SGCZ: variants seen among roughly 807,000 people sequenced by gnomAD.
SGCZ encodes the protein sarcoglycan zeta.
A neutral mutation model predicts 41.3 loss-of-function variants in SGCZ; 40 were observed. The ratio of observed to expected loss-of-function variants is 0.97; its 90% confidence interval spans 0.75 to 1.26. SGCZ has a LOEUF of 1.26. SGCZ is among the 50% of genes most tolerant of loss of function. The pLI is 0.00. For synonymous variants in SGCZ, 206 were observed against 137.5 expected, an observed-to-expected ratio of 1.50 and a Z score of -3.49; for missense variants, 552 against 369.8, an observed-to-expected ratio of 1.49 and a Z score of -4.04.
intron 1 of SGCZ, among the ~76,000 whole-genome samples, chr8:14,730,335 A>G (rs1810196047): frequency 6.6e-6 from 1 of 152,206 alleles, no homozygotes; most frequent in African/African-American, 2.4e-5. Flanking sequence ...ATCACCATAC[A>G]TACATTTGTA....
intron 1 of SGCZ, among the ~76,000 whole-genome samples, chr8:15,065,895 G>T (rs556619195): frequency 1.3e-5 from 2 of 152,124 alleles, no homozygotes; most frequent in Non-Finnish European, 2.9e-5. Context: ...TTGAAATTTT[G>T]TTTCACATAT....
At chr8:14,143,147 A>C (rs1030514932) in intron 5 of SGCZ, among the ~76,000 whole-genome samples, 10 of 152,162 alleles carry the variant, frequency 6.6e-5, no homozygotes, top group African/African-American at 2.4e-4. Flanking sequence ...AGGAAACTAG[A>C]AATAAAGGAG....
intron 1 of SGCZ, among the ~76,000 whole-genome samples, chr8:14,874,989 T>C (rs935266373): frequency 1.3e-5 from 2 of 152,174 alleles, no homozygotes; most frequent in East Asian, 3.9e-4. Context: ...TAAAAAGGAC[T>C]CAGATCTTCC....
At chr8:15,164,824 T>A (rs1185593418) in intron 1 of SGCZ, among the ~76,000 whole-genome samples, 1 of 152,136 alleles carries the variant, frequency 6.6e-6, no homozygotes, top group Non-Finnish European at 1.5e-5. Context: ...TTTTACATCT[T>A]GCGGGTATGG....
intron 1 of SGCZ, among the ~76,000 whole-genome samples, chr8:15,031,420 T>C (rs1449212105): frequency 6.6e-6 from 1 of 152,162 alleles, no homozygotes; most frequent in African/African-American, 2.4e-5. Flanking sequence ...CTTTTTGTTT[T>C]GCATTAGGCT....
intron 1 of SGCZ, among the ~76,000 whole-genome samples, chr8:15,132,264 C>T (rs1035344491): frequency 1.3e-5 from 2 of 152,112 alleles, no homozygotes; most frequent in African/African-American, 4.8e-5. Flanking sequence ...TCCTCAGACC[C>T]GCAGCATCAT....
chr8:14,964,982 C>G (rs1801085966), intron 1 of SGCZ, among the ~76,000 whole-genome samples: 1 of 152,096 alleles, frequency 6.6e-6, no homozygotes, highest in Admixed American at 6.6e-5. Context: ...GACCATTTAC[C>G]TTTTACCCAC....
intron 1 of SGCZ, among the ~76,000 whole-genome samples, chr8:15,055,379 T>C (rs73522835): frequency 0.011 from 1,707 of 152,316 alleles, 27 homozygotes; most frequent in African/African-American, 0.038. Context: ...TTCATAGTTA[T>C]GGCAGACCTT....
In SGCZ at chr8:15,138,569, T is replaced by C. The variant is rs74529128; in HGVS notation, c.39+99016A>G. ...GGTGGTTTCCTCCATGCCGTTCTCA[T>C]GATAAAGAGTGTTTCACAAGATCTG... On this transcript the variant is annotated intron_variant, in intron 1 of 7. Coordinates refer to ENST00000382080, the MANE Select transcript of SGCZ (RefSeq NM_139167.4). Among the ~76,000 whole-genome samples, 1,510 of 152,224 alleles carry C rather than the reference T, an allele frequency of 9.9e-3. 81 individuals are homozygous for C. In the East Asian group the frequency reaches 0.15, roughly 15 times the overall value.
intron 1 of SGCZ, among the ~76,000 whole-genome samples, chr8:14,644,474 C>G (rs1228948527): frequency 6.7e-6 from 1 of 150,210 alleles, no homozygotes; most frequent in Non-Finnish European, 1.5e-5. Flanking sequence ...TTAGACTTCC[C>G]AGTCTTTACA....
chr8:14,426,534 G>C (rs528764744), intron 2 of SGCZ, among the ~76,000 whole-genome samples: 14 of 152,122 alleles, frequency 9.2e-5, no homozygotes, highest in Admixed American at 9.2e-4. Flanking sequence ...ATGACCAGGA[G>C]AGAAATGACG....
intron 1 of SGCZ, among the ~76,000 whole-genome samples, chr8:14,738,926 A>T (rs966076613): frequency 2.6e-5 from 4 of 152,010 alleles, no homozygotes; most frequent in Non-Finnish European, 1.5e-5. Context: ...CTCTGGGAGG[A>T]AGAACCTACA....
intron 3 of SGCZ, among the ~76,000 whole-genome samples, chr8:14,291,252 G>A (rs1023423519): frequency 2.0e-5 from 3 of 152,010 alleles, no homozygotes; most frequent in African/African-American, 7.2e-5. Flanking sequence ...GTTAAAGAGA[G>A]TTAACAATAA....
At chr8:14,861,021 C>T (rs965610842) in intron 1 of SGCZ, among the ~76,000 whole-genome samples, 20 of 152,128 alleles carry the variant, frequency 1.3e-4, no homozygotes, top group Admixed American at 1.2e-3. Flanking sequence ...GTTTAGTGTT[C>T]GCAATGTCCC....
chr8:15,071,871 A>G (rs1028466976), intron 1 of SGCZ, among the ~76,000 whole-genome samples: 35 of 151,968 alleles, frequency 2.3e-4, no homozygotes, highest in Non-Finnish European at 4.1e-4. Flanking sequence ...TTCGCTGAAG[A>G]CTCCATCTCA....
At position 15,080,013 on chromosome 8, in the gene SGCZ, C is replaced by A. The variant is rs541907881; in HGVS notation, c.39+157572G>T. Among the ~76,000 whole-genome samples, 23 of 152,226 alleles carry A rather than the reference C, an allele frequency of 1.5e-4. No individual in the cohort carries two copies. In the East Asian group the frequency reaches 4.1e-3, roughly 27 times the overall value. Reference sequence around the variant, plus strand: ...CTTCATTTCTGTTCCATTTCTTCTCCAGCCGGTCCTCTATTTTTCCTTCGC... The same window carrying A: ...CTTCATTTCTGTTCCATTTCTTCTCAAGCCGGTCCTCTATTTTTCCTTCGC... On this transcript the variant is annotated intron_variant, in intron 1 of 7. Transcript: ENST00000382080.
intron 5 of SGCZ, among the ~76,000 whole-genome samples, chr8:14,158,100 C>CT (rs1161863736): frequency 2.5e-4 from 37 of 147,134 alleles, no homozygotes; most frequent in East Asian, 1.8e-3. Flanking sequence ...TTTCACATGT[C>CT]TTTTTTTTTT....
intron 3 of SGCZ, among the ~76,000 whole-genome samples, chr8:14,300,656 G>C (rs1472680302): frequency 2.0e-5 from 3 of 151,980 alleles, no homozygotes; most frequent in Non-Finnish European, 2.9e-5. Flanking sequence ...TGGAAGTTAT[G>C]AGAATGGTGG....
intron 1 of SGCZ, among the ~76,000 whole-genome samples, chr8:15,063,899 T>C (rs1805028953): frequency 6.6e-6 from 1 of 152,154 alleles, no homozygotes; most frequent in Non-Finnish European, 1.5e-5. Context: ...AGGCTTACAG[T>C]CGAGTGTTGC....
Sources: allele counts gnomAD v4.1 joint callset (sites outside exome capture counted in the v4.1 genomes callset), GRCh38; gene constraint gnomAD v4.1.1; transcripts MANE v1.5; gene names NCBI Gene and HGNC (gene_info 2026-07-23, HGNC 2026-07-21).